The following ARSF variants were observed in gnomAD, a reference collection of about 807,000 sequenced individuals.
ARSF encodes arylsulfatase F.
ARSF carries 33 observed loss-of-function variants against 35.4 expected under a neutral mutation model. The observed-to-expected ratio is 0.93, with a 90% CI of 0.71 to 1.25. The LOEUF (loss-of-function observed/expected upper bound fraction) is 1.25. Ranked by LOEUF, ARSF falls within the 50% of genes most tolerant of loss-of-function variation. The pLI, the probability that ARSF is intolerant of heterozygous loss-of-function variation, is 0.00. For missense variants in ARSF, 501 were observed against 480.2 expected, an observed-to-expected ratio of 1.04 and a Z score of -0.40; for synonymous variants, 222 against 193.1, an observed-to-expected ratio of 1.15 and a Z score of -1.24.
chrX:3,063,391 G>T (rs1453100938), intron 1 of ARSF, among the ~76,000 whole-genome samples: 1 of 111,470 alleles, frequency 9.0e-6, no homozygotes, highest in Non-Finnish European at 1.9e-5. Flanking sequence ...TTGAAAACTG[G>T]CACAAGACAG....
intron 1 of ARSF, chrX:3,058,665 C>A: frequency 3.2e-6 from 1 of 313,113 alleles, no homozygotes; most frequent in Middle Eastern, 4.8e-4. Flanking sequence ...CCAGCCTGGG[C>A]AATATAGGGA....
At chrX:3,049,031 G>A (rs1389793316) in intron 1 of ARSF, among the ~76,000 whole-genome samples, 2 of 112,120 alleles carry the variant, frequency 1.8e-5, no homozygotes. Flanking sequence ...TCAACGAGAA[G>A]AGACAAACTG....
At chrX:3,087,264 T>G (rs1002012539) in intron 6 of ARSF, among the ~76,000 whole-genome samples, 6 of 112,251 alleles carry the variant, frequency 5.3e-5, no homozygotes, top group Non-Finnish European at 1.1e-4. Flanking sequence ...CGACTCTTTA[T>G]TTTGGCAGCT....
intron 1 of ARSF, among the ~76,000 whole-genome samples, chrX:3,049,890 C>T (rs1426733258): frequency 9.1e-6 from 1 of 110,116 alleles, no homozygotes; most frequent in African/African-American, 3.3e-5. Context: ...GATGGAGTTT[C>T]GCTCTTGTTG....
At chrX:3,092,013 A>G (rs1038375317) in intron 7 of ARSF, among the ~76,000 whole-genome samples, 1 of 111,363 alleles carries the variant, frequency 9.0e-6, no homozygotes, top group Non-Finnish European at 1.9e-5. Flanking sequence ...AGATGAATAA[A>G]CAGATATATA....
chrX:3,097,817 G>A (rs1038909813), intron 7 of ARSF, among the ~76,000 whole-genome samples: 2 of 111,388 alleles, frequency 1.8e-5, no homozygotes, highest in African/African-American at 6.5e-5. Flanking sequence ...GATCACCTGA[G>A]GTCGGGAGTT....
chrX:3,062,858 C>A (rs2147484823), intron 1 of ARSF, among the ~76,000 whole-genome samples: 1 of 111,684 alleles, frequency 9.0e-6, no homozygotes, highest in East Asian at 2.8e-4. Flanking sequence ...GATTCACAGC[C>A]AAATTCTACC....
intron 3 of ARSF, among the ~76,000 whole-genome samples, chrX:3,072,871 A>G (rs1223749334): frequency 9.6e-6 from 1 of 103,666 alleles, no homozygotes; most frequent in Non-Finnish European, 1.9e-5. Flanking sequence ...TATATTATGA[A>G]TATATGAACA....
chrX:3,079,676 G>C (rs1231404943), intron 4 of ARSF, among the ~76,000 whole-genome samples: 1 of 109,479 alleles, frequency 9.1e-6, no homozygotes, highest in Non-Finnish European at 1.9e-5. Context: ...GAGGGAAGTG[G>C]GCTTGGGGCA....
rs137949429 is a variant in ARSF at position 3,105,007 on chromosome X, G to A, written c.1265+1083G>A. Among the ~76,000 whole-genome samples, 364 of 111,799 alleles carry A rather than the reference G, an allele frequency of 3.3e-3. 4 individuals carry two copies. The highest frequency in any genetic ancestry group is 0.012 in the African/African-American group (355 of 30,807). On this transcript the variant is annotated intron_variant, in intron 9 of 10. Coordinates refer to ENST00000381127, the MANE Select transcript of ARSF (RefSeq NM_001201539.2). ...TACTACATTGCTCCATTCCCTGGCA[G>A]CAACCAGCCTAGGTAGGTTTGCTGC...
chrX:3,102,843 C>T (rs1006526476), intron 8 of ARSF, among the ~76,000 whole-genome samples: 4 of 109,579 alleles, frequency 3.7e-5, no homozygotes, highest in Non-Finnish European at 7.6e-5. Flanking sequence ...ACCCAGGAGG[C>T]GGAGGTTGCA....
intron 4 of ARSF, among the ~76,000 whole-genome samples, chrX:3,080,303 G>A (rs1248431663): frequency 5.6e-5 from 6 of 107,592 alleles, no homozygotes; most frequent in East Asian, 3.0e-4. Context: ...ATGAAACTCC[G>A]TCTGTACTAA....
intron 7 of ARSF, among the ~76,000 whole-genome samples, chrX:3,098,033 A>G (rs1338802863): frequency 2.7e-5 from 2 of 74,178 alleles, no homozygotes; most frequent in Admixed American, 3.6e-4. Flanking sequence ...ATATATATAT[A>G]CACATACACA....
At chrX:3,079,788 C>A (rs2090183860) in intron 4 of ARSF, among the ~76,000 whole-genome samples, 1 of 106,085 alleles carries the variant, frequency 9.4e-6, no homozygotes, top group African/African-American at 3.4e-5. Flanking sequence ...GGTGAAACCC[C>A]ATCTCTACTA....
chrX:3,048,402 TC>T (rs1452300696), intron 1 of ARSF, among the ~76,000 whole-genome samples: 1 of 112,288 alleles, frequency 8.9e-6, no homozygotes, highest in Non-Finnish European at 1.9e-5. Flanking sequence ...CTTCCAAGGC[TC>T]CCCTGAGACA....
intron 10 of ARSF, 117 bp from the exon 11 acceptor site, chrX:3,112,057 A>G: frequency 1.8e-6 from 1 of 557,447 alleles, no homozygotes; most frequent in Non-Finnish European, 2.9e-6. Context: ...ACAGGCCACG[A>G]ACAGGTACCA....
At position 3,068,075 on chromosome X, in the gene ARSF, A is replaced by G. The variant is rs2090078498; in HGVS notation, c.-26A>G. The G allele has an allele frequency of 8.4e-7, 1 of 1,192,948 alleles. No individual in the cohort carries two copies. Among genetic ancestry groups the G allele is most frequent in the Non-Finnish European group, 1.1e-6 (1 of 887,753 alleles). Reference sequence around the variant, plus strand: ...CACGTCTGTGTCTTCTGCCAAAGACAACAAGAAGGTATTCCAAGCTGCACA... The same window carrying G: ...CACGTCTGTGTCTTCTGCCAAAGACGACAAGAAGGTATTCCAAGCTGCACA... On this transcript the variant is annotated splice_region_variant and 5_prime_UTR_variant, in exon 2 of 11. Transcript: ENST00000381127.
intron 4 of ARSF, among the ~76,000 whole-genome samples, 164 bp downstream of exon 4, chrX:3,076,833 C>T (rs2090156222): frequency 8.9e-6 from 1 of 111,761 alleles, no homozygotes; most frequent in Non-Finnish European, 1.9e-5. Flanking sequence ...TTGCTTGAGC[C>T]CAGGAGTTTC....
chrX:3,043,707 G>T (rs2089964052), intron 1 of ARSF, among the ~76,000 whole-genome samples: 1 of 111,200 alleles, frequency 9.0e-6, no homozygotes, highest in Non-Finnish European at 1.9e-5. Flanking sequence ...TTGAAAACAG[G>T]CAAGTGAAAA....
Sources: allele counts gnomAD v4.1 joint callset (sites outside exome capture counted in the v4.1 genomes callset), GRCh38; gene constraint gnomAD v4.1.1; transcripts MANE v1.5; gene names NCBI Gene and HGNC (gene_info 2026-07-23, HGNC 2026-07-21).